The following CSMD2 variants were observed in gnomAD, a reference collection of about 807,000 sequenced individuals.
The protein encoded by CSMD2 is CUB and Sushi multiple domains 2, also known as CUB and sushi domain-containing protein 2.
A neutral mutation model predicts 398.5 loss-of-function variants in CSMD2; 130 were observed. That is an observed-to-expected ratio of 0.33 (90% CI 0.28 to 0.38). The LOEUF is 0.38. CSMD2 is among the 10% of genes least tolerant of loss of function. CSMD2 has a pLI of 1.00. For synonymous variants in CSMD2, 1,828 were observed against 1,908.5 expected, an observed-to-expected ratio of 0.96 and a Z score of 1.10; for missense variants, 3,829 against 4,764.9, an observed-to-expected ratio of 0.80 and a Z score of 5.78.
rs6143186 is a variant in CSMD2 at position 34,111,982 on chromosome 1, TTCTCTCTCTCTCTCTC to T, written c.188-22805_188-22790del. On this transcript the variant is annotated intron_variant, in intron 1 of 70. Coordinates refer to ENST00000373381, the MANE Select transcript of CSMD2 (RefSeq NM_001281956.2). ...CCTTATTTCAATAAATTCTTTCAAA[TTCTCTCTCTCTCTCTC>T]TCTCTCTCTCTCTCTCTCTCTTTCT... 4.7e-3 allele frequency among the ~76,000 whole-genome samples: 709 copies of T among 149,622 alleles called. 5 individuals are homozygous for T. The highest frequency in any genetic ancestry group is 7.3e-3 in the African/African-American group (298 of 40,676).
intron 37 of CSMD2, among the ~76,000 whole-genome samples, chr1:33,621,250 C>T (rs918546898): frequency 2.5e-4 from 38 of 152,164 alleles, no homozygotes; most frequent in African/African-American, 8.9e-4. Flanking sequence ...TCTTATTGAC[C>T]TTTGTACTGC....
rs752658147 is a variant in CSMD2, at chr1:33,714,615, C to T, written c.3378G>A (p.Leu1126=). ...RITCLGGRRR[L]WSSPLPRCVA... is the part of the protein sequence containing the mutation. ...CACACCTTGGCAGAGGCGAGCTCCA[C>T]AGGCGCCGTCTGCCCCCCAGGCACG... The change falls in exon 21 of 71, where the codon CTG becomes CTA. Residue 1126 remains leucine (L), a synonymous_variant. Coordinates refer to ENST00000373381, the MANE Select transcript of CSMD2 (RefSeq NM_001281956.2). The T allele has an allele frequency of 3.7e-6, 6 of 1,613,792 alleles. No homozygotes were observed. In the South Asian group the frequency reaches 5.5e-5, roughly 15 times the overall value.
intron 3 of CSMD2, among the ~76,000 whole-genome samples, chr1:33,957,945 G>GTGTGTGCACGCACGCA (rs1553263226): frequency 4.2e-4 from 64 of 152,172 alleles, no homozygotes; most frequent in African/African-American, 1.5e-3. Context: ...GTGTGTGTGT[G>GTGTGTGCACGCACGCA]TGTGTGTGTG....
intron 5 of CSMD2, among the ~76,000 whole-genome samples, chr1:33,847,670 T>C (rs777120338): frequency 3.9e-5 from 6 of 152,168 alleles, no homozygotes; most frequent in Non-Finnish European, 7.3e-5. Context: ...AATTCAGTTA[T>C]AGAAGTGTGT....
At chr1:34,101,145 G>A (rs1021849349) in intron 1 of CSMD2, among the ~76,000 whole-genome samples, 8 of 152,178 alleles carry the variant, frequency 5.3e-5, no homozygotes, top group African/African-American at 1.4e-4. Flanking sequence ...AAGTCTACCC[G>A]TTCTTCACTT....
chr1:33,731,433 A>G (rs554873057), intron 15 of CSMD2, among the ~76,000 whole-genome samples: 5 of 152,216 alleles, frequency 3.3e-5, no homozygotes, highest in African/African-American at 7.2e-5. Flanking sequence ...TGCCTACAAG[A>G]TATTCTCGCT....
At chr1:33,743,928 A>C (rs936301948) in intron 13 of CSMD2, among the ~76,000 whole-genome samples, 1 of 152,182 alleles carries the variant, frequency 6.6e-6, no homozygotes, top group Non-Finnish European at 1.5e-5. Flanking sequence ...CAATCCATCC[A>C]ACTGTCTATT....
intron 3 of CSMD2, among the ~76,000 whole-genome samples, chr1:34,020,989 A>G (rs1648800607): frequency 6.6e-6 from 1 of 152,140 alleles, no homozygotes; most frequent in South Asian, 2.1e-4. Context: ...TCCACCGCCA[A>G]ATCTCCAAAT....
intron 29 of CSMD2, among the ~76,000 whole-genome samples, chr1:33,638,025 G>A (rs1281828175): frequency 1.3e-5 from 2 of 152,160 alleles, no homozygotes; most frequent in East Asian, 3.9e-4. Flanking sequence ...TCTCACTATT[G>A]CACAGGAGCA....
chr1:34,001,116 A>T (rs1646888949), intron 3 of CSMD2, among the ~76,000 whole-genome samples: 1 of 152,172 alleles, frequency 6.6e-6, no homozygotes, highest in Non-Finnish European at 1.5e-5. Flanking sequence ...CTGAAAACTC[A>T]ACTCATGAAC....
At chr1:34,083,259 C>T (rs1016464949) in intron 2 of CSMD2, among the ~76,000 whole-genome samples, 3 of 152,154 alleles carry the variant, frequency 2.0e-5, no homozygotes, top group Non-Finnish European at 4.4e-5. Context: ...TCTGATAGAA[C>T]CAGAGAGGCT....
chr1:33,547,649 G>C (rs1319550213), intron 56 of CSMD2, among the ~76,000 whole-genome samples: 1 of 152,256 alleles, frequency 6.6e-6, no homozygotes, highest in Non-Finnish European at 1.5e-5. Context: ...CACTGTGGAA[G>C]AGGGATTCAT....
intron 12 of CSMD2, among the ~76,000 whole-genome samples, chr1:33,788,324 A>G (rs896039060): frequency 6.6e-6 from 1 of 151,924 alleles, no homozygotes; most frequent in African/African-American, 2.4e-5. Context: ...CTTGGCCAAC[A>G]TGGTGAGACC....
chr1:33,840,311 C>T (rs1325521783), intron 6 of CSMD2, among the ~76,000 whole-genome samples: 1 of 152,188 alleles, frequency 6.6e-6, no homozygotes, highest in Non-Finnish European at 1.5e-5. Context: ...ACTGTTTTCT[C>T]TACCTGGGAC....
At chr1:34,125,536 T>TGTGC (rs1553324606) in intron 1 of CSMD2, among the ~76,000 whole-genome samples, 14 of 151,332 alleles carry the variant, frequency 9.3e-5, no homozygotes, top group Non-Finnish European at 1.8e-4. Context: ...TGTGTGTGTG[T>TGTGC]GTGTGTGTGT....
At chr1:33,928,373 A>G (rs536921538) in intron 4 of CSMD2, among the ~76,000 whole-genome samples, 1 of 152,340 alleles carries the variant, frequency 6.6e-6, no homozygotes, top group South Asian at 2.1e-4. Flanking sequence ...GTTAGGGCTC[A>G]ATATGGTGGC....
intron 6 of CSMD2, among the ~76,000 whole-genome samples, chr1:33,837,820 C>A (rs1027371234): frequency 1.3e-5 from 2 of 152,244 alleles, no homozygotes; most frequent in Non-Finnish European, 2.9e-5. Flanking sequence ...CATTCATCTC[C>A]TCCGAATGAT....
chr1:34,065,488 C>T (rs770623610), intron 2 of CSMD2, among the ~76,000 whole-genome samples: 3 of 152,156 alleles, frequency 2.0e-5, no homozygotes, highest in Non-Finnish European at 4.4e-5. Context: ...AGGGTACCAC[C>T]AGCCCTAAGC....
intron 2 of CSMD2, among the ~76,000 whole-genome samples, chr1:34,045,699 C>G (rs573830188): frequency 2.0e-5 from 3 of 152,224 alleles, no homozygotes; most frequent in Non-Finnish European, 4.4e-5. Context: ...CACAGCAGAC[C>G]CACCTGCTGA....
Sources: allele counts gnomAD v4.1 joint callset (sites outside exome capture counted in the v4.1 genomes callset), GRCh38; gene constraint gnomAD v4.1.1; transcripts MANE v1.5; gene names NCBI Gene and HGNC (gene_info 2026-07-23, HGNC 2026-07-21).